Variants in TMX3 observed in about 807,000 individuals in gnomAD.
The protein encoded by TMX3 is thioredoxin related transmembrane protein 3.
Under a neutral mutation model 64.4 loss-of-function variants are expected in TMX3, and 40 were observed. The observed-to-expected ratio is 0.62, with a 90% CI of 0.48 to 0.81. TMX3 has a LOEUF of 0.81. TMX3 is among the 30% of genes least tolerant of loss of function. The pLI is 0.00. For synonymous variants in TMX3, 189 were observed against 175.7 expected (o/e 1.08, Z -0.60); for missense variants, 497 against 534.5 (o/e 0.93, Z 0.69).
In TMX3 at chr18:68,702,326, G is replaced by A. The variant is rs142263847; in HGVS notation, c.266-536C>T. ...CAACAGAGGATCGAAAAGCAACTTT[G>A]TTTTAGGAGTTTCTGCTTTTGTGAT... On this transcript the variant is annotated intron_variant, in intron 4 of 15. Coordinates refer to ENST00000299608, the MANE Select transcript of TMX3 (RefSeq NM_019022.5). 1.1e-4 allele frequency among the ~76,000 whole-genome samples: 17 copies of A among 151,564 alleles called. No individual in the cohort carries two copies. The East Asian group carries it at 3.1e-3, about 28-fold the overall frequency.
At chr18:68,681,174 C>A in intron 13 of TMX3, 64 bp from the exon 14 acceptor site, 1 of 1,316,852 alleles carries the variant, frequency 7.6e-7, no homozygotes, top group Non-Finnish European at 1.0e-6. Context: ...TTCTGATATT[C>A]ATTTATATCT....
intron 13 of TMX3, among the ~76,000 whole-genome samples, chr18:68,681,752 A>G (rs758035949): frequency 1.3e-5 from 2 of 152,214 alleles, no homozygotes; most frequent in Non-Finnish European, 2.9e-5. Flanking sequence ...AAGCAAAGCT[A>G]GAGAAAACCA....
intron 4 of TMX3, 75 bp downstream of exon 4, chr18:68,709,945 TC>T: frequency 7.1e-7 from 1 of 1,405,934 alleles, no homozygotes. Flanking sequence ...AAAGTCTTCC[TC>T]CCACCCTGAA....
chr18:68,707,523 A>C (rs1255534232), intron 4 of TMX3, among the ~76,000 whole-genome samples: 1 of 152,176 alleles, frequency 6.6e-6, no homozygotes, highest in South Asian at 2.1e-4. Context: ...AGAATGTGAC[A>C]ATGAAAATTG....
intron 13 of TMX3, chr18:68,681,457 A>AT: frequency 1.0e-6 from 1 of 984,836 alleles, no homozygotes; most frequent in Non-Finnish European, 1.2e-6. Context: ...AGTCCCTTTA[A>AT]TAATTGTATA....
At chr18:68,680,511 C>T (rs948948607) in intron 14 of TMX3, among the ~76,000 whole-genome samples, 3 of 152,176 alleles carry the variant, frequency 2.0e-5, no homozygotes, top group Non-Finnish European at 4.4e-5. Context: ...GGCTTTTACT[C>T]TCAATAAATT....
chr18:68,713,887 A>C lies in TMX3; in HGVS notation c.60T>G (p.Asp20Glu). Residue 20 changes from aspartate to glutamate, a missense_variant, in exon 2 of 16, where the codon GAT becomes GAG. Transcript: ENST00000299608. ...CTACAAATCCTTTACAGACGACCAT[A>C]TCAAGTACAACAACTGAAAAAAAAA... is the stretch of plus-strand genomic sequence containing the variant. ...LRLCATVVVL[D>E]MVVCKGFVED... 1 of 1,583,186 alleles carries C rather than the reference A, an allele frequency of 6.3e-7. No homozygotes were observed. The highest frequency in any genetic ancestry group is 8.6e-7 in the Non-Finnish European group (1 of 1,157,004).
At position 68,679,529 on chromosome 18, in the gene TMX3, G is replaced by C. The variant is rs1432006964; in HGVS notation, c.1038C>G (p.Ala346=). The C allele has an allele frequency of 6.2e-7, 1 of 1,608,166 alleles. No individual in the cohort carries two copies. The highest frequency in any genetic ancestry group is 1.3e-5 in the African/African-American group (1 of 74,416). ...INNILDGTVE[A]QGGDSILQRL... is the part of the protein sequence containing the mutation. ...TCTGCAAAATGCTATCACCTCCTTG[G>C]GCCTTCAAAAAAGGAAAAGAAAAAT... The change falls in exon 15 of 16, where the codon GCC becomes GCG. Residue 346 remains alanine, a splice_region_variant and synonymous_variant. Coordinates refer to ENST00000299608, the MANE Select transcript of TMX3 (RefSeq NM_019022.5).
chr18:68,714,543 G>C, intron 1 of TMX3: 1 of 281,866 alleles, frequency 3.5e-6, no homozygotes, highest in Non-Finnish European at 6.8e-6. Flanking sequence ...CTTGAGTACT[G>C]GTGGTAAAAA....
Position 68,675,149 on chromosome 18 carries a change from C to A in TMX3, c.*1784G>T, listed in dbSNP as rs1912821897. On this transcript the variant is annotated 3_prime_UTR_variant, in exon 16 of 16. Transcript: ENST00000299608. ...GAGTTTCAAATGAGGTATCCGTACT[C>A]ATCTAAGCTTTTCACTACTGCAAAA... 1 of 152,146 alleles carries A rather than the reference C, an allele frequency of 6.6e-6. No individual in the cohort carries two copies. The highest frequency in any genetic ancestry group is 2.4e-5 in the African/African-American group (1 of 41,440). The allele number at this position is 152,146 out of a possible 1,614,324, so 9.4% of individuals were successfully genotyped here. A position where few individuals can be genotyped will look rare whatever the true frequency, so the allele number is the denominator to read the frequency against.
At chr18:68,697,466 G>T in intron 7 of TMX3, 163 bp from the exon 8 acceptor site, 1 of 421,850 alleles carries the variant, frequency 2.4e-6, no homozygotes, top group Non-Finnish European at 4.3e-6. Context: ...AAATAAAATT[G>T]TTTCCAAGGC....
At chr18:68,683,871 T>C (rs1287060454) in intron 12 of TMX3, among the ~76,000 whole-genome samples, 5 of 152,304 alleles carry the variant, frequency 3.3e-5, no homozygotes, top group Middle Eastern at 3.4e-3. Context: ...TACTATACTG[T>C]ATTGTTATAA....
intron 8 of TMX3, among the ~76,000 whole-genome samples, chr18:68,696,339 A>G (rs1050694003): frequency 1.3e-5 from 2 of 151,702 alleles, no homozygotes; most frequent in African/African-American, 2.4e-5. Flanking sequence ...ACACCCAGCT[A>G]ATTTTTGTAT....
At chr18:68,713,517 C>T (rs1255905997) in intron 2 of TMX3, among the ~76,000 whole-genome samples, 1 of 152,130 alleles carries the variant, frequency 6.6e-6, no homozygotes. Context: ...ATAAGCAAGG[C>T]TGATTAATGC....
chr18:68,702,983 C>T (rs1188917078), intron 4 of TMX3, among the ~76,000 whole-genome samples: 1 of 152,182 alleles, frequency 6.6e-6, no homozygotes, highest in African/African-American at 2.4e-5. Context: ...CAATTAAGAA[C>T]TCAAGTTCTG....
chr18:68,696,758 T>C (rs1025055662), intron 8 of TMX3, among the ~76,000 whole-genome samples: 2 of 152,164 alleles, frequency 1.3e-5, no homozygotes, highest in Non-Finnish European at 2.9e-5. Flanking sequence ...ATTACAGGCA[T>C]GAGGCACTGC....
At chr18:68,703,792 C>T (rs569033953) in intron 4 of TMX3, among the ~76,000 whole-genome samples, 51 of 151,758 alleles carry the variant, frequency 3.4e-4, no homozygotes, top group Non-Finnish European at 6.2e-4. Flanking sequence ...TAGTCGCGCG[C>T]GGTGGCGGGT....
chr18:68,710,379 TACTGATTTAAA>T (rs2031155130), intron 3 of TMX3, among the ~76,000 whole-genome samples: 1 of 152,196 alleles, frequency 6.6e-6, no homozygotes, highest in Non-Finnish European at 1.5e-5. Flanking sequence ...TTTAATTGAC[TACTGATTTAAA>T]ACAGATATAC....
At chr18:68,697,107 T>C (rs1224901708) in intron 8 of TMX3, 119 bp downstream of exon 8, 2 of 607,176 alleles carry the variant, frequency 3.3e-6, no homozygotes, top group Admixed American at 3.3e-5. Context: ...TCACAGTAAA[T>C]AAATCTGATA....
Sources: allele counts gnomAD v4.1 joint callset (sites outside exome capture counted in the v4.1 genomes callset), GRCh38; gene constraint gnomAD v4.1.1; transcripts MANE v1.5; gene names NCBI Gene and HGNC (gene_info 2026-07-23, HGNC 2026-07-21).